The following UBE3B variants were observed in gnomAD, a reference collection of about 807,000 sequenced individuals.
UBE3B encodes the protein ubiquitin-protein ligase E3B.
UBE3B carries 80 observed loss-of-function variants against 132.3 expected under a neutral mutation model. That is an observed-to-expected ratio of 0.60 (90% CI 0.50 to 0.73). UBE3B has a LOEUF of 0.73. Ranked by LOEUF, UBE3B falls within the 30% of genes least tolerant of loss-of-function variation. The pLI is 0.00. For missense variants in UBE3B, 1,196 were observed against 1,362.5 expected (o/e 0.88, Z 1.92); for synonymous variants, 487 against 520.4 (o/e 0.94, Z 0.87).
At chr12:109,528,421 G>A in intron 24 of UBE3B, 1 of 985,260 alleles carries the variant, frequency 1.0e-6, no homozygotes, top group Non-Finnish European at 1.2e-6. Context: ...ATACAGGTTT[G>A]CTGCTGGAAA....
intron 18 of UBE3B, among the ~76,000 whole-genome samples, chr12:109,511,780 A>G (rs1343134605): frequency 6.6e-6 from 1 of 152,112 alleles, no homozygotes; most frequent in Non-Finnish European, 1.5e-5. Flanking sequence ...GGAGGGCTGG[A>G]AGCTTAGGAG....
At position 109,503,063 on chromosome 12, in the gene UBE3B, G is replaced by A. The variant is rs528776713; in HGVS notation, c.1323G>A (p.Arg441=). ...CTTTTCAAAAGTCGGCATCAGTCCGGAATATTCTCAGGCCTGTCGGGGGTA... is the reference window on the plus strand; with the variant it reads ...CTTTTCAAAAGTCGGCATCAGTCCGAAATATTCTCAGGCCTGTCGGGGGTA... ...KRAFQKSASV[R]NILRPVGGKR... Residue 441 remains arginine, a synonymous_variant, in exon 14 of 28, where the codon CGG becomes CGA. Transcript: ENST00000342494. 1.2e-6 allele frequency: 2 copies of A among 1,614,036 alleles called. No individual in the cohort carries two copies. Among genetic ancestry groups the A allele is most frequent in the African/African-American group, 1.3e-5 (1 of 74,904 alleles).
Position 109,535,717 on chromosome 12 carries a change from T to A in UBE3B, c.*935T>A, listed in dbSNP as rs1883373083. 6.6e-6 allele frequency: 1 copy of A among 152,140 alleles called. No homozygotes were observed. The highest frequency in any genetic ancestry group is 6.5e-5 in the Admixed American group (1 of 15,280). 9.4% of individuals were successfully genotyped at this position (152,140 alleles called of 1,614,324 possible). A position where few individuals can be genotyped will look rare whatever the true frequency, so the allele number is the denominator to read the frequency against. ...TGGCTTCACTCCTGAGTCTGCAAAA[T>A]CCCAGGAAACTTGGGTCTTGCTGCC... is the stretch of plus-strand genomic sequence containing the variant. On this transcript the variant is annotated 3_prime_UTR_variant, in exon 28 of 28. Coordinates refer to ENST00000342494, the MANE Select transcript of UBE3B (RefSeq NM_130466.4).
intron 2 of UBE3B, among the ~76,000 whole-genome samples, chr12:109,481,991 A>G (rs1875534714): frequency 6.6e-6 from 1 of 152,212 alleles, no homozygotes; most frequent in African/African-American, 2.4e-5. Flanking sequence ...AGAAGGGGTC[A>G]CAGAGGTCCC....
In UBE3B at chr12:109,477,706, G is replaced by A. The variant is rs771191233; in HGVS notation, c.-531G>A. On this transcript the variant is annotated 5_prime_UTR_variant, in exon 1 of 28. Coordinates refer to ENST00000342494, the MANE Select transcript of UBE3B (RefSeq NM_130466.4). ...GTCTGGCAGAACTCGGGTGTTTTGG[G>A]CTGAGACAGTGGCAGCTGCGGCCCC... 21 of 180,732 alleles carry A rather than the reference G, an allele frequency of 1.2e-4. No homozygotes were observed. The highest frequency in any genetic ancestry group is 4.7e-5 in the Non-Finnish European group (4 of 84,560). The allele number at this position is 180,732 out of a possible 1,614,324, so 11.2% of individuals were successfully genotyped here. A position where few individuals can be genotyped will look rare whatever the true frequency, so the allele number is the denominator to read the frequency against.
intron 24 of UBE3B, chr12:109,528,516 G>T: frequency 1.0e-6 from 1 of 984,580 alleles, no homozygotes; most frequent in Non-Finnish European, 1.2e-6. Flanking sequence ...TTTGGAATTG[G>T]TGAGAGTCAT....
chr12:109,524,299 C>T lies in UBE3B; in HGVS notation c.2503-139C>T. The T allele has an allele frequency of 3.7e-6, 5 of 1,341,136 alleles. No homozygotes were observed. The Middle Eastern group carries it at 5.6e-4, about 151-fold the overall frequency. The allele number at this position is 1,341,136 out of a possible 1,614,324, so 83.1% of individuals were successfully genotyped here. A position where few individuals can be genotyped will look rare whatever the true frequency, so the allele number is the denominator to read the frequency against. ...CTCACAACCTCCTTCCTCAAAGTCA[C>T]GAATGACTTTCTTTGCGTCAAGCTG... On this transcript the variant is annotated intron_variant, in intron 22 of 27. Transcript: ENST00000342494.
Position 109,534,224 on chromosome 12 carries a change from A to C in UBE3B, c.3016-367A>C. ...CCCAAGTCATGGTCTGCCACCGGCC[A>C]CAGCACCGGTGAGGAGGGAGGAGTG... On this transcript the variant is annotated intron_variant, in intron 27 of 27. Transcript: ENST00000342494. The surrounding 1 kb of genome is among the most constrained non-coding windows in gnomAD (Gnocchi z 5.2). 1 of 1,246,426 alleles carries C rather than the reference A, an allele frequency of 8.0e-7. No homozygotes were observed. The highest frequency in any genetic ancestry group is 1.0e-6 in the Non-Finnish European group (1 of 978,668). 77.2% of individuals were successfully genotyped at this position (1,246,426 alleles called of 1,614,324 possible). A position where few individuals can be genotyped will look rare whatever the true frequency, so the allele number is the denominator to read the frequency against.
At chr12:109,528,227 C>A in intron 24 of UBE3B, 2 of 642,522 alleles carry the variant, frequency 3.1e-6, no homozygotes, top group Non-Finnish European at 3.9e-6. Context: ...TGATCTTGCA[C>A]TTTATGAGTG....
chr12:109,479,912 G>C (rs1014868253), intron 1 of UBE3B, among the ~76,000 whole-genome samples: 1 of 152,050 alleles, frequency 6.6e-6, no homozygotes, highest in Non-Finnish European at 1.5e-5. Flanking sequence ...TAATTCCATG[G>C]ACCCTCTGCC....
chr12:109,524,872 C>G (rs767796302), intron 23 of UBE3B, among the ~76,000 whole-genome samples: 1 of 151,848 alleles, frequency 6.6e-6, no homozygotes, highest in Non-Finnish European at 1.5e-5. Context: ...CAAGCAGAAG[C>G]CTGTCCTTGT....
intron 1 of UBE3B, among the ~76,000 whole-genome samples, chr12:109,479,937 T>C (rs927113751): frequency 4.6e-5 from 7 of 152,200 alleles, no homozygotes; most frequent in Non-Finnish European, 5.9e-5. Flanking sequence ...AGGCACTGTC[T>C]GCATGTCATG....
Position 109,483,612 on chromosome 12 carries a change from G to T in UBE3B, c.61G>T (p.Glu21Ter), listed in dbSNP as rs775981553. ...CATCGATAGAGCCCGTCAGGCACGA[G>T]AAGAAAGGCTTGTGCAGAAGGAACG... ...WFIDRARQAR[E>*]ERLVQKERER... Residue 21 changes from glutamate to a stop codon, truncating the protein, a stop_gained, in exon 3 of 28, where the codon GAA becomes TAA. Transcript: ENST00000342494. LOFTEE classifies it high-confidence loss of function. The T allele has an allele frequency of 1.2e-5, 20 of 1,612,716 alleles. No homozygotes were observed. In the Admixed American group the frequency reaches 3.0e-4, roughly 24 times the overall value.
At chr12:109,487,445 C>A (rs1262888188) in intron 6 of UBE3B, among the ~76,000 whole-genome samples, 1 of 152,200 alleles carries the variant, frequency 6.6e-6, no homozygotes, top group African/African-American at 2.4e-5. Context: ...CAGTAATAAT[C>A]CATTCCCAGC....
At chr12:109,515,181 G>A (rs868341368) in intron 18 of UBE3B, among the ~76,000 whole-genome samples, 2 of 151,828 alleles carry the variant, frequency 1.3e-5, no homozygotes, top group Non-Finnish European at 2.9e-5. Context: ...CCAAAGTGCT[G>A]GGATTACAGG....
intron 18 of UBE3B, among the ~76,000 whole-genome samples, chr12:109,514,560 G>A (rs190226261): frequency 1.1e-4 from 17 of 152,226 alleles, no homozygotes; most frequent in African/African-American, 2.9e-4. Flanking sequence ...CTCGCCTTCC[G>A]CCTGTGTATC....
intron 4 of UBE3B, among the ~76,000 whole-genome samples, chr12:109,484,917 C>T (rs1213916869): frequency 6.6e-6 from 1 of 152,018 alleles, no homozygotes; most frequent in Non-Finnish European, 1.5e-5. Flanking sequence ...CCACCATGCA[C>T]AGCAAGTTTT....
intron 9 of UBE3B, among the ~76,000 whole-genome samples, chr12:109,496,157 A>G (rs1878177937): frequency 6.6e-6 from 1 of 152,222 alleles, no homozygotes; most frequent in Admixed American, 6.5e-5. Context: ...CATAAATGGA[A>G]TCACATCATA....
At chr12:109,485,793 C>A (rs1422441738) in intron 4 of UBE3B, among the ~76,000 whole-genome samples, 1 of 152,168 alleles carries the variant, frequency 6.6e-6, no homozygotes, top group Admixed American at 6.5e-5. Flanking sequence ...TAAAACATTT[C>A]TATAGGGTTC....
Sources: gnomAD v4.1 joint callset for allele counts (sites outside exome capture counted in the v4.1 genomes callset) on GRCh38, gnomAD v4.1.1 for gene constraint, Gnocchi (gnomAD v3.1) non-coding constraint, MANE v1.5 for transcripts, NCBI Gene and HGNC (gene_info 2026-07-23, HGNC 2026-07-21) for gene names.